DNAH14: variants seen among roughly 807,000 people sequenced by gnomAD.
DNAH14 encodes the protein axonemal beta dynein heavy chain 14.
DNAH14 carries 478 observed loss-of-function variants against 520.9 expected under a neutral mutation model. That is an observed-to-expected ratio of 0.92 (90% CI 0.85 to 0.99). DNAH14 has a LOEUF of 0.99. Among genes scored for constraint, DNAH14 ranks in the 50% least tolerant of loss-of-function variants. DNAH14 has a pLI of 0.00. For synonymous variants in DNAH14, 1,581 were observed against 1,757.2 expected (o/e 0.90, Z 2.51); for missense variants, 4,831 against 5,234.5 (o/e 0.92, Z 2.38).
Position 224,974,095 on chromosome 1 carries a change from A to G in DNAH14, c.772A>G (p.Asn258Asp). The G allele has an allele frequency of 1.3e-6, 2 of 1,504,264 alleles. No homozygotes were observed. The highest frequency in any genetic ancestry group is 1.8e-6 in the Non-Finnish European group (2 of 1,121,800). 93.2% of individuals were successfully genotyped at this position (1,504,264 alleles called of 1,614,324 possible). A position where few individuals can be genotyped will look rare whatever the true frequency, so the allele number is the denominator to read the frequency against. Residue 258 changes from asparagine to aspartate, a missense_variant, in exon 8 of 86, where the codon AAT (asparagine) becomes GAT (aspartate). Physicochemically the swap from Asn to Asp is conservative, Grantham distance 23. Transcript: ENST00000682510. ...QFKIFSDFRMNKAFVTWKLNV... is the reference protein window; with the variant it reads ...QFKIFSDFRMDKAFVTWKLNV... Reference sequence around the variant, plus strand: ...AAGAAGCATTTTTCCTTTCAGAATGAATAAAGCATTTGTTACCTGGAAATT... The same window carrying G: ...AAGAAGCATTTTTCCTTTCAGAATGGATAAAGCATTTGTTACCTGGAAATT...
chr1:225,225,506 C>T (rs2090453214), intron 41 of DNAH14, among the ~76,000 whole-genome samples: 1 of 152,062 alleles, frequency 6.6e-6, no homozygotes, highest in South Asian at 2.1e-4. Context: ...CACAGGCATC[C>T]CATATAGTAC....
At chr1:225,038,428 T>G (rs958330149) in intron 11 of DNAH14, among the ~76,000 whole-genome samples, 2 of 151,044 alleles carry the variant, frequency 1.3e-5, no homozygotes, top group African/African-American at 4.9e-5. Context: ...TTATTTTCTG[T>G]TTTTTTTAAT....
chr1:225,333,849 G>C (rs1223483213), intron 66 of DNAH14, among the ~76,000 whole-genome samples: 1 of 152,034 alleles, frequency 6.6e-6, no homozygotes, highest in Non-Finnish European at 1.5e-5. Flanking sequence ...AGTATTCTTA[G>C]ACACAGCCAA....
At chr1:224,931,140 A>G (rs967335056) in intron 1 of DNAH14, among the ~76,000 whole-genome samples, 6 of 152,178 alleles carry the variant, frequency 3.9e-5, no homozygotes, top group Non-Finnish European at 5.9e-5. Flanking sequence ...GTGTGTTTGT[A>G]TCTTAGTTTA....
intron 78 of DNAH14, among the ~76,000 whole-genome samples, chr1:225,375,815 G>T (rs922154944): frequency 6.6e-6 from 1 of 151,744 alleles, no homozygotes; most frequent in Non-Finnish European, 1.5e-5. Context: ...GGCCGGGTGC[G>T]GTGGCTCATG....
At chr1:225,103,274 G>A (rs2075688514) in intron 23 of DNAH14, among the ~76,000 whole-genome samples, 1 of 152,192 alleles carries the variant, frequency 6.6e-6, no homozygotes, top group African/African-American at 2.4e-5. Flanking sequence ...TCAGTACCAT[G>A]CTGTTTTGGT....
At chr1:225,244,210 A>T (rs1020415672) in intron 43 of DNAH14, among the ~76,000 whole-genome samples, 2 of 152,060 alleles carry the variant, frequency 1.3e-5, no homozygotes, top group Non-Finnish European at 1.5e-5. Flanking sequence ...AGCCAACTTG[A>T]TTGTCATGGG....
intron 2 of DNAH14, among the ~76,000 whole-genome samples, chr1:224,953,508 TAA>T (rs2060314982): frequency 1.3e-5 from 2 of 152,130 alleles, no homozygotes. Context: ...AAACACTCCT[TAA>T]AAAGAAAATC....
intron 55 of DNAH14, among the ~76,000 whole-genome samples, chr1:225,293,829 T>A (rs12046871): frequency 0.044 from 6,603 of 151,750 alleles, 182 homozygotes; most frequent in Non-Finnish European, 0.059. Flanking sequence ...AGTTTTTTTT[T>A]TAAAAAAAGA....
At chr1:225,207,573 C>G (rs546203002) in intron 41 of DNAH14, among the ~76,000 whole-genome samples, 1 of 151,968 alleles carries the variant, frequency 6.6e-6, no homozygotes, top group Non-Finnish European at 1.5e-5. Flanking sequence ...CACACAAAGG[C>G]GTAATCATGA....
intron 36 of DNAH14, among the ~76,000 whole-genome samples, chr1:225,182,761 G>T (rs11580638): frequency 0.13 from 19,427 of 152,130 alleles, 1,395 homozygotes; most frequent in East Asian, 0.31. Flanking sequence ...CTCATTCCAG[G>T]CTGGTGAGCA....
intron 1 of DNAH14, among the ~76,000 whole-genome samples, chr1:224,930,917 C>T (rs1024215684): frequency 1.3e-5 from 2 of 152,060 alleles, no homozygotes; most frequent in African/African-American, 4.8e-5. Context: ...TACTTTTAAA[C>T]GATTATTTTA....
intron 5 of DNAH14, among the ~76,000 whole-genome samples, chr1:224,965,725 T>C (rs1385628357): frequency 6.6e-6 from 1 of 152,096 alleles, no homozygotes; most frequent in Non-Finnish European, 1.5e-5. Context: ...GTTCCTAACC[T>C]CTTGAGCTTT....
In DNAH14 at chr1:225,085,684, C is replaced by T. The variant is rs1304154395; in HGVS notation, c.3468C>T (p.Tyr1156=). Residue 1156 remains tyrosine, a synonymous_variant, in exon 21 of 86, where the codon TAC becomes TAT. Transcript: ENST00000682510. ...TAATTCTTCACCACACAGAGATTTA[C>T]TCTATCTTCATAATTCCATCTATAG... The part of the protein sequence containing the change: ...LPLILHHTEI[Y]SIFIIPSIDD... 1.0e-5 allele frequency: 16 copies of T among 1,551,224 alleles called. No individual in the cohort carries two copies. The highest frequency in any genetic ancestry group is 1.4e-5 in the African/African-American group (1 of 73,046).
intron 3 of DNAH14, among the ~76,000 whole-genome samples, chr1:224,957,394 AG>A (rs772138968): frequency 8.9e-4 from 135 of 152,138 alleles, no homozygotes; most frequent in Non-Finnish European, 1.7e-3. Context: ...TATATGTGTC[AG>A]GAGCTCAGAG....
chr1:225,186,728 T>C (rs1209643770), intron 37 of DNAH14, among the ~76,000 whole-genome samples: 1 of 151,880 alleles, frequency 6.6e-6, no homozygotes, highest in Non-Finnish European at 1.5e-5. Flanking sequence ...CACATAATGT[T>C]ATATGCTGAG....
chr1:225,082,190 G>GTGTGTGTGTGTGTGTGTGTA (rs1162678183), intron 19 of DNAH14, among the ~76,000 whole-genome samples: 12 of 151,912 alleles, frequency 7.9e-5, no homozygotes, highest in African/African-American at 2.7e-4. Flanking sequence ...GTGTGTGTGT[G>GTGTGTGTGTGTGTGTGTGTA]TGTGTGTGCA....
chr1:225,372,036 GA>G (rs2095624828), intron 77 of DNAH14, among the ~76,000 whole-genome samples: 1 of 152,120 alleles, frequency 6.6e-6, no homozygotes, highest in Non-Finnish European at 1.5e-5. Context: ...GTACACCTAA[GA>G]AACTTGCCCA....
At chr1:225,390,300 G>C (rs1248581009) in intron 83 of DNAH14, among the ~76,000 whole-genome samples, 8 of 152,144 alleles carry the variant, frequency 5.3e-5, no homozygotes, top group Admixed American at 5.2e-4. Flanking sequence ...TGGAACCTAG[G>C]CCTTACCTGC....
Sources: gnomAD v4.1 joint callset for allele counts (sites outside exome capture counted in the v4.1 genomes callset) on GRCh38, gnomAD v4.1.1 for gene constraint, MANE v1.5 for transcripts, NCBI Gene and HGNC (gene_info 2026-07-23, HGNC 2026-07-21) for gene names.